Variants in SERPINB13 observed in about 807,000 individuals in gnomAD.
The protein encoded by SERPINB13 is serpin family B member 13, also known as serpin B13.
SERPINB13 carries 26 observed loss-of-function variants against 31.2 expected under a neutral mutation model. That is an observed-to-expected ratio of 0.83 (90% confidence interval 0.61 to 1.15). The LOEUF (loss-of-function observed/expected upper bound fraction) is 1.15. Among genes scored for constraint, SERPINB13 ranks in the 50% most tolerant of loss-of-function variants. The pLI is 0.00. For missense variants in SERPINB13, 510 were observed against 469.4 expected (o/e 1.09, Z -0.80); for synonymous variants, 191 against 172.4 (o/e 1.11, Z -0.85).
rs1357708457 is a variant in SERPINB13, at chr18:63,594,503, G to A, written c.615+6G>A. The A allele has an allele frequency of 1.2e-6, 2 of 1,612,738 alleles. No homozygotes were observed. Among genetic ancestry groups the A allele is most frequent in the East Asian group, 2.2e-5 (1 of 44,874 alleles). On this transcript the variant is annotated splice_donor_region_variant and intron_variant, in intron 6 of 7. Transcript: ENST00000344731. ...AGAAATTTTGGATGAATAAGGTATG[G>A]CCCTTAGTTTATTTTCGTGATGTGC...
Position 63,597,420 on chromosome 18 carries a change from C to T in SERPINB13, c.*57C>T. 2.0e-6 allele frequency: 3 copies of T among 1,493,724 alleles called. No homozygotes were observed. Among genetic ancestry groups the T allele is most frequent in the Non-Finnish European group, 2.7e-6 (3 of 1,110,120 alleles). The allele number at this position is 1,493,724 out of a possible 1,614,324, so 92.5% of individuals were successfully genotyped here. ...GCAAAAAACAACTACCAGTGTTACT[C>T]ATATGATTATGAAAATCGTCCATTC... On this transcript the variant is annotated 3_prime_UTR_variant, in exon 8 of 8. Transcript: ENST00000344731.
rs540646776 is a variant in SERPINB13 at position 63,596,825 on chromosome 18, C to A, written c.772-134C>A. ...ACAACCGCCTGCAGTATAAAGACAA[C>A]AATCTAGTGAAATAAAATTTCTACT... On this transcript the variant is annotated intron_variant, in intron 7 of 7. Coordinates refer to ENST00000344731, the MANE Select transcript of SERPINB13 (RefSeq NM_012397.4). 1.6e-5 allele frequency: 11 copies of A among 686,024 alleles called. No individual in the cohort carries two copies. The South Asian group carries it at 2.5e-4, about 16-fold the overall frequency. The allele number at this position is 686,024 out of a possible 1,614,324, so 42.5% of individuals were successfully genotyped here. A position where few individuals can be genotyped will look rare whatever the true frequency, so the allele number is the denominator to read the frequency against.
Position 63,597,095 on chromosome 18 carries a change from TG to T in SERPINB13, c.912del (p.Met305TrpfsTer34). ...GYDLEAVLAA[M>X]GMGDAFSEHK... ...GATCTAGAGGCGGTCCTGGCTGCCATGGGGATGGGCGATGCCTTCAGTGAGC... is the reference window on the plus strand; with the variant it reads ...GATCTAGAGGCGGTCCTGGCTGCCATGGGATGGGCGATGCCTTCAGTGAGC... On this transcript the variant is annotated frameshift_variant, in exon 8 of 8. Coordinates refer to ENST00000344731, the MANE Select transcript of SERPINB13 (RefSeq NM_012397.4). LOFTEE classifies it low-confidence loss of function (END_TRUNC). The T allele has an allele frequency of 6.2e-7, 1 of 1,614,174 alleles. No individual in the cohort carries two copies. Among genetic ancestry groups the T allele is most frequent in the Non-Finnish European group, 8.5e-7 (1 of 1,180,022 alleles).
intron 6 of SERPINB13, among the ~76,000 whole-genome samples, chr18:63,594,763 C>T (rs1377511857): frequency 3.3e-5 from 5 of 152,054 alleles, no homozygotes; most frequent in Non-Finnish European, 5.9e-5. Flanking sequence ...TGCTTGAACC[C>T]GGGAGGCAGA....
intron 3 of SERPINB13, among the ~76,000 whole-genome samples, chr18:63,590,206 T>G (rs2144391958): frequency 6.6e-6 from 1 of 152,340 alleles, no homozygotes; most frequent in Admixed American, 6.5e-5. Flanking sequence ...TTTAACCCCG[T>G]GCTGATGTTG....
Position 63,588,803 on chromosome 18 carries a change from C to G in SERPINB13, c.136C>G (p.Arg46Gly). Residue 46 changes from arginine to glycine, a missense_variant, in exon 2 of 8, where the codon CGA becomes GGA. Arg to Gly is a moderately radical substitution (Grantham distance 125). Coordinates refer to ENST00000344731, the MANE Select transcript of SERPINB13 (RefSeq NM_012397.4). ...AATTGGCATGGTCCTCCTGGGGACC[C>G]GAGGAGCCACCGCTTCCCAGTTGGA... is the stretch of plus-strand genomic sequence containing the variant. ...TAIGMVLLGT[R>G]GATASQLEEV... 1 of 1,613,972 alleles carries G rather than the reference C, an allele frequency of 6.2e-7. No homozygotes were observed.
Position 63,598,552 on chromosome 18 carries a change from G to C in SERPINB13, c.*1189G>C, listed in dbSNP as rs1912320291. ...TGTCTGGCGTCTTGCACTTAGCATG[G>C]TGTTCTTGAGGTTCATCTGTTGTAG... On this transcript the variant is annotated 3_prime_UTR_variant, in exon 8 of 8. Transcript: ENST00000344731. 6.6e-6 allele frequency: 1 copy of C among 152,084 alleles called. No individual in the cohort carries two copies. Among genetic ancestry groups the C allele is most frequent in the African/African-American group, 2.4e-5 (1 of 41,408 alleles). 9.4% of individuals were successfully genotyped at this position (152,084 alleles called of 1,614,324 possible).
In SERPINB13 at chr18:63,592,368, A is replaced by G. The variant is rs1267115659; in HGVS notation, c.246A>G (p.Val82=). The change falls in exon 4 of 8, where the codon GTA becomes GTG. Residue 82 remains valine, a synonymous_variant. Coordinates refer to ENST00000344731, the MANE Select transcript of SERPINB13 (RefSeq NM_012397.4). ...TCAAGATTGAGAACACAGAAGCAGT[A>G]CATCAACAATTCCAAAAGTTTTTGA... is the stretch of plus-strand genomic sequence containing the variant. ...EKEVIENTEA[V]HQQFQKFLTE... The G allele has an allele frequency of 6.2e-7, 1 of 1,613,042 alleles. No homozygotes were observed. Among genetic ancestry groups the G allele is most frequent in the Admixed American group, 1.7e-5 (1 of 59,866 alleles).
At chr18:63,595,306 T>A in intron 7 of SERPINB13, 122 bp downstream of exon 7, 1 of 917,756 alleles carries the variant, frequency 1.1e-6, no homozygotes, top group East Asian at 2.5e-5. Context: ...CTCCAGCAGC[T>A]ACAGATGGAT....
At chr18:63,594,306 T>TTGTCATACATATTAC in intron 5 of SERPINB13, 49 bp from the exon 6 acceptor site, 2 of 1,609,610 alleles carry the variant, frequency 1.2e-6, no homozygotes, top group Non-Finnish European at 8.5e-7. Flanking sequence ...ATACATATTA[T>TTGTCATACATATTAC]TTGTCATTTG....
intron 5 of SERPINB13, among the ~76,000 whole-genome samples, chr18:63,593,783 T>A (rs1000369284): frequency 2.6e-5 from 4 of 152,158 alleles, no homozygotes; most frequent in Non-Finnish European, 4.4e-5. Flanking sequence ...TTTCAAAAAG[T>A]TGAACAGTAT....
At chr18:63,595,741 T>C (rs1263056800) in intron 7 of SERPINB13, among the ~76,000 whole-genome samples, 2 of 151,702 alleles carry the variant, frequency 1.3e-5, no homozygotes, top group Non-Finnish European at 2.9e-5. Flanking sequence ...CTACTAAAAA[T>C]ACAAAAAATT....
chr18:63,593,710 T>G (rs1041429886), intron 5 of SERPINB13, among the ~76,000 whole-genome samples: 1 of 5,178 alleles, frequency 1.9e-4, no homozygotes, highest in East Asian at 0.018. Context: ...CAGAATGTGT[T>G]TTTTTTTTCC....
intron 2 of SERPINB13, among the ~76,000 whole-genome samples, chr18:63,589,451 T>TCACACA (rs112829867): frequency 0.088 from 9,780 of 111,752 alleles, 583 homozygotes; most frequent in East Asian, 0.3. Context: ...CAAAACTCCA[T>TCACACA]CACACACACA....
intron 3 of SERPINB13, 141 bp from the exon 4 acceptor site, chr18:63,592,207 T>C: frequency 1.2e-6 from 1 of 811,188 alleles, no homozygotes; most frequent in Non-Finnish European, 1.9e-6. Flanking sequence ...CTACCTGATA[T>C]CCAGGGGCCA....
intron 5 of SERPINB13, chr18:63,593,937 G>T (rs1275366305): frequency 1.9e-5 from 9 of 467,120 alleles, no homozygotes; most frequent in Non-Finnish European, 3.5e-5. Context: ...CTTATTATGT[G>T]TGAGATGGTA....
rs760888097 is a variant in SERPINB13, at chr18:63,595,175, C to A, written c.762C>A (p.Gly254=). The A allele has an allele frequency of 8.1e-6, 13 of 1,611,600 alleles. No individual in the cohort carries two copies. The highest frequency in any genetic ancestry group is 1.1e-5 in the Non-Finnish European group (13 of 1,179,238). The change falls in exon 7 of 8, where the codon GGC becomes GGA. Residue 254 remains glycine (G), a synonymous_variant. Transcript: ENST00000344731. ...MFVLLPNDID[G]LEKIIDKISP... is the part of the protein sequence containing the mutation. ...TGCTTCTGCCCAACGACATCGATGGCCTGGAGAAGGTAAACGCTTACACCT... is the reference window on the plus strand; with the variant it reads ...TGCTTCTGCCCAACGACATCGATGGACTGGAGAAGGTAAACGCTTACACCT...
rs771813572 is a variant in SERPINB13, at chr18:63,597,256, T to C, written c.1069T>C (p.Ser357Pro). 9.9e-6 allele frequency: 16 copies of C among 1,614,142 alleles called. No homozygotes were observed. The highest frequency in any genetic ancestry group is 1.4e-5 in the Non-Finnish European group (16 of 1,180,054). Residue 357 changes from serine to proline, a missense_variant, in exon 8 of 8, where the codon TCC becomes CCC. Ser to Pro is a moderately conservative substitution (Grantham distance 74). Transcript: ENST00000344731. ...CACCGGCATAGGCTTTACTGTCACA[T>C]CCGCCCCAGGTCATGAAAATGTTCA... The part of the protein sequence containing the change: ...AATGIGFTVT[S>P]APGHENVHCN...
rs760641323 is a variant in SERPINB13 at position 63,597,258 on chromosome 18, C to T, written c.1071C>T (p.Ser357=). The change falls in exon 8 of 8, where the codon TCC becomes TCT. Residue 357 remains serine, a synonymous_variant. Coordinates refer to ENST00000344731, the MANE Select transcript of SERPINB13 (RefSeq NM_012397.4). ...AATGIGFTVT[S]APGHENVHCN... Reference sequence around the variant, plus strand: ...CCGGCATAGGCTTTACTGTCACATCCGCCCCAGGTCATGAAAATGTTCACT... The same window carrying T: ...CCGGCATAGGCTTTACTGTCACATCTGCCCCAGGTCATGAAAATGTTCACT... The T allele has an allele frequency of 1.5e-5, 25 of 1,614,220 alleles. No individual in the cohort carries two copies. The South Asian group carries it at 1.8e-4, about 11-fold the overall frequency.
Sources: gnomAD v4.1 joint callset for allele counts (sites outside exome capture counted in the v4.1 genomes callset) on GRCh38, gnomAD v4.1.1 for gene constraint, MANE v1.5 for transcripts, NCBI Gene and HGNC (gene_info 2026-07-23, HGNC 2026-07-21) for gene names.